The following FUT9 variants were observed in gnomAD, a reference collection of about 807,000 sequenced individuals.
FUT9 encodes 4-galactosyl-N-acetylglucosaminide 3-alpha-L-fucosyltransferase 9.
A neutral mutation model predicts 29.7 loss-of-function variants in FUT9; 15 were observed. That is an observed-to-expected ratio of 0.51 (90% CI 0.34 to 0.78). The LOEUF (loss-of-function observed/expected upper bound fraction) is 0.78. FUT9 is among the 30% of genes least tolerant of loss of function. FUT9 has a pLI of 0.01. For synonymous variants in FUT9, 169 were observed against 153.7 expected (o/e 1.10, Z -0.74); for missense variants, 319 against 425.4 (o/e 0.75, Z 2.20).
intron 1 of FUT9, among the ~76,000 whole-genome samples, chr6:96,019,419 A>G (rs1325314283): frequency 6.6e-6 from 1 of 152,044 alleles, no homozygotes; most frequent in Admixed American, 6.6e-5. Flanking sequence ...TCATGTCTCT[A>G]TATTATAAAA....
intron 2 of FUT9, among the ~76,000 whole-genome samples, chr6:96,125,590 A>G (rs1452802067): frequency 6.6e-6 from 1 of 152,234 alleles, no homozygotes; most frequent in Non-Finnish European, 1.5e-5. Context: ...ATGTGAGGAA[A>G]CTACAGCTCG....
At chr6:96,087,518 C>T (rs1471871094) in intron 1 of FUT9, among the ~76,000 whole-genome samples, 1 of 151,952 alleles carries the variant, frequency 6.6e-6, no homozygotes, top group African/African-American at 2.4e-5. Flanking sequence ...AGGCGCGTGC[C>T]ACAATGCCCA....
chr6:96,087,267 A>G lies in FUT9; in HGVS notation c.-97-26772A>G, dbSNP rs1025525854. Among the ~76,000 whole-genome samples the G allele has an allele frequency of 4.6e-5, 7 of 151,674 alleles. No individual in the cohort carries two copies. In the East Asian group the frequency reaches 1.4e-3, roughly 29 times the overall value. On this transcript the variant is annotated intron_variant, in intron 1 of 2. Transcript: ENST00000302103. ...GGTGTTGCTTTCAGATTTGTGGTGT[A>G]TATTTTTAACTTATCATAGTCTACC...
intron 1 of FUT9, among the ~76,000 whole-genome samples, chr6:96,058,986 A>G (rs1345431273): frequency 1.3e-5 from 2 of 152,180 alleles, no homozygotes; most frequent in Non-Finnish European, 2.9e-5. Flanking sequence ...TGGCAGTTGC[A>G]TTTGCCAGGA....
intron 1 of FUT9, among the ~76,000 whole-genome samples, chr6:96,110,610 A>G (rs1480916143): frequency 1.3e-5 from 2 of 152,108 alleles, no homozygotes; most frequent in South Asian, 2.1e-4. Flanking sequence ...TCTACCATTG[A>G]GCTCTTTCTC....
At chr6:96,147,497 C>T (rs1168488934) in intron 2 of FUT9, among the ~76,000 whole-genome samples, 2 of 152,022 alleles carry the variant, frequency 1.3e-5, no homozygotes, top group East Asian at 1.9e-4. Flanking sequence ...CATGTTTGTC[C>T]TAAAGCAAAA....
chr6:96,149,339 A>G (rs900663320), intron 2 of FUT9, among the ~76,000 whole-genome samples: 1 of 99,186 alleles, frequency 1.0e-5, no homozygotes, highest in African/African-American at 3.0e-5. Context: ...TTTAAGGCAG[A>G]CAAAAAAAAA....
chr6:96,139,162 A>ATACC (rs1314986747), intron 2 of FUT9, among the ~76,000 whole-genome samples: 71 of 152,282 alleles, frequency 4.7e-4, no homozygotes, highest in African/African-American at 1.7e-3. Context: ...TTGTGTAAAT[A>ATACC]TACCTGTTCC....
intron 2 of FUT9, among the ~76,000 whole-genome samples, chr6:96,129,184 G>C (rs560301161): frequency 3.7e-4 from 56 of 150,032 alleles, no homozygotes; most frequent in African/African-American, 1.3e-3. Context: ...AGAATGGCAT[G>C]AACCTGGGAG....
chr6:96,136,931 T>C (rs1399887916), intron 2 of FUT9, among the ~76,000 whole-genome samples: 1 of 151,990 alleles, frequency 6.6e-6, no homozygotes, highest in Non-Finnish European at 1.5e-5. Context: ...GACTTGATAT[T>C]TACAGCATGC....
chr6:96,161,855 C>T (rs201135130), intron 2 of FUT9, among the ~76,000 whole-genome samples: 1 of 152,174 alleles, frequency 6.6e-6, no homozygotes, highest in African/African-American at 2.4e-5. Context: ...AATCACCATT[C>T]CAAGAATTTC....
At chr6:96,189,576 G>C (rs1275542191) in intron 2 of FUT9, among the ~76,000 whole-genome samples, 1 of 152,078 alleles carries the variant, frequency 6.6e-6, no homozygotes. Flanking sequence ...CTTGCTTTAT[G>C]AATCTGGGTG....
chr6:96,101,062 A>G (rs893703501), intron 1 of FUT9, among the ~76,000 whole-genome samples: 8 of 152,206 alleles, frequency 5.3e-5, no homozygotes, highest in African/African-American at 1.9e-4. Context: ...ATATCTCGTT[A>G]TGTAACTACT....
intron 1 of FUT9, among the ~76,000 whole-genome samples, chr6:96,049,327 T>G (rs761697766): frequency 6.6e-6 from 1 of 152,202 alleles, no homozygotes; most frequent in Non-Finnish European, 1.5e-5. Context: ...TCTCCTGGCA[T>G]GTCAATCATC....
chr6:96,186,051 A>G lies in FUT9; in HGVS notation c.-8-17097A>G, dbSNP rs576279107. ...TCTGCCTTTCCACCTTTTTTCTAATAACATCATTTTCCAAAAAGTATGTTA... is the reference window on the plus strand; with the variant it reads ...TCTGCCTTTCCACCTTTTTTCTAATGACATCATTTTCCAAAAAGTATGTTA... On this transcript the variant is annotated intron_variant, in intron 2 of 2. Transcript: ENST00000302103. Among the ~76,000 whole-genome samples the G allele has an allele frequency of 8.5e-5, 13 of 152,264 alleles. 1 individual carries two copies. The South Asian group carries it at 2.7e-3, about 32-fold the overall frequency.
chr6:96,043,724 C>T (rs1770509695), intron 1 of FUT9, among the ~76,000 whole-genome samples: 1 of 152,140 alleles, frequency 6.6e-6, no homozygotes, highest in Non-Finnish European at 1.5e-5. Context: ...AGAATGCTCC[C>T]ACAGGGGCTT....
intron 2 of FUT9, among the ~76,000 whole-genome samples, chr6:96,126,475 G>A (rs1482686205): frequency 6.6e-6 from 1 of 152,160 alleles, no homozygotes; most frequent in Non-Finnish European, 1.5e-5. Flanking sequence ...CCAACAAGAT[G>A]TCATTCTTTG....
chr6:96,140,522 T>G (rs1482101191), intron 2 of FUT9, among the ~76,000 whole-genome samples: 1 of 152,188 alleles, frequency 6.6e-6, no homozygotes, highest in Non-Finnish European at 1.5e-5. Context: ...CACACTGCTA[T>G]GAAGAAATAC....
chr6:96,096,401 A>G (rs1458185862), intron 1 of FUT9, among the ~76,000 whole-genome samples: 1 of 152,120 alleles, frequency 6.6e-6, no homozygotes, highest in East Asian at 1.9e-4. Context: ...CAGAGTGGTT[A>G]TTTTAAAATA....
Sources: allele counts gnomAD v4.1 joint callset (sites outside exome capture counted in the v4.1 genomes callset), GRCh38; gene constraint gnomAD v4.1.1; transcripts MANE v1.5; gene names NCBI Gene and HGNC (gene_info 2026-07-23, HGNC 2026-07-21).